The following ADGRL2 variants were observed in gnomAD, a reference collection of about 807,000 sequenced individuals.
The protein encoded by ADGRL2 is calcium-independent alpha-latrotoxin receptor 2.
In ADGRL2, 44 loss-of-function variants were observed where a neutral mutation model predicts 157.4. That is an observed-to-expected ratio of 0.28 (90% CI 0.22 to 0.36). The LOEUF (loss-of-function observed/expected upper bound fraction) is 0.36, where lower values mean the gene tolerates loss of function less well. ADGRL2 is among the 10% of genes least tolerant of loss of function. The pLI, the probability that ADGRL2 is intolerant of heterozygous loss-of-function variation, is 1.00. For synonymous variants in ADGRL2, 585 were observed against 624.7 expected, an observed-to-expected ratio of 0.94 and a Z score of 0.95; for missense variants, 1,510 against 1,768.9, an observed-to-expected ratio of 0.85 and a Z score of 2.63.
intron 1 of ADGRL2, among the ~76,000 whole-genome samples, chr1:81,739,489 CA>C (rs2085004705): frequency 1.3e-5 from 2 of 152,152 alleles, no homozygotes; most frequent in Non-Finnish European, 2.9e-5. Context: ...TGGCCTGGAG[CA>C]GGCAGAGAGA....
intron 2 of ADGRL2, among the ~76,000 whole-genome samples, chr1:81,484,774 A>T (rs2078465068): frequency 6.6e-6 from 1 of 152,116 alleles, no homozygotes; most frequent in Admixed American, 6.6e-5. Context: ...CTTGTACTGT[A>T]CTAAGAAAAT....
chr1:81,759,754 C>T (rs1417205688), intron 1 of ADGRL2, among the ~76,000 whole-genome samples: 3 of 152,092 alleles, frequency 2.0e-5, no homozygotes, highest in African/African-American at 7.2e-5. Context: ...GTATAATATT[C>T]TACACTTTTC....
chr1:81,874,155 A>G (rs1475978679), intron 2 of ADGRL2, among the ~76,000 whole-genome samples: 8 of 152,128 alleles, frequency 5.3e-5, no homozygotes, highest in Non-Finnish European at 1.2e-4. Context: ...GTGGCATTGA[A>G]AACTTGCCAT....
chr1:81,593,565 A>G (rs2081174264), intron 3 of ADGRL2, among the ~76,000 whole-genome samples: 1 of 152,172 alleles, frequency 6.6e-6, no homozygotes, highest in Admixed American at 6.6e-5. Flanking sequence ...TCACTTATCT[A>G]CTATCTTATT....
At chr1:81,445,672 C>A (rs536322313) in intron 2 of ADGRL2, among the ~76,000 whole-genome samples, 1 of 152,082 alleles carries the variant, frequency 6.6e-6, no homozygotes, top group Non-Finnish European at 1.5e-5. Context: ...TATATTAAAG[C>A]GGACTTACAT....
chr1:81,768,559 A>C (rs983093726), intron 2 of ADGRL2, among the ~76,000 whole-genome samples: 3 of 150,934 alleles, frequency 2.0e-5, no homozygotes, highest in African/African-American at 7.3e-5. Context: ...CTTCAGCCTC[A>C]ATTTCCAGGG....
intron 2 of ADGRL2, among the ~76,000 whole-genome samples, chr1:81,867,863 C>G (rs998534100): frequency 6.6e-6 from 1 of 151,930 alleles, no homozygotes; most frequent in Non-Finnish European, 1.5e-5. Context: ...ATTATTATCT[C>G]TTTATATCGT....
intron 1 of ADGRL2, chr1:81,722,680 C>A (rs2084373010): frequency 6.8e-6 from 8 of 1,176,078 alleles, no homozygotes; most frequent in Non-Finnish European, 1.0e-5. Context: ...ACCTAGGGCA[C>A]AGGAAATTGC....
upstream of ADGRL2, among the ~76,000 whole-genome samples, chr1:81,799,618 G>T (rs1433946885): frequency 6.6e-6 from 1 of 152,142 alleles, no homozygotes; most frequent in African/African-American, 2.4e-5. Context: ...TGAACAATCT[G>T]CTGTTGACAT....
In ADGRL2 at chr1:81,990,872, C is replaced by T. The variant is rs374881882; in HGVS notation, c.4137C>T (p.Asp1379=). 26 of 1,614,008 alleles carry T rather than the reference C, an allele frequency of 1.6e-5. No homozygotes were observed. The East Asian group carries it at 5.6e-4, about 35-fold the overall frequency. The change falls in exon 24 of 24, where the codon GAC becomes GAT. Residue 1379 remains aspartate (D), a synonymous_variant. Coordinates refer to ENST00000686636, the MANE Select transcript of ADGRL2 (RefSeq NM_001366006.2). ...AEDHLQSPNR[D]SLYTSMPNLR... ...ATCACCTACAGTCCCCCAACAGAGA[C>T]TCTCTTTATACAAGCATGCCCAATC...
At chr1:81,817,845 A>T (rs2090567354) in intron 1 of ADGRL2, among the ~76,000 whole-genome samples, 2 of 152,036 alleles carry the variant, frequency 1.3e-5, no homozygotes, top group East Asian at 1.9e-4. Flanking sequence ...TGAGACGCAC[A>T]GCACTAGAGA....
At chr1:81,470,748 A>G (rs1356308226) in intron 2 of ADGRL2, among the ~76,000 whole-genome samples, 1 of 152,250 alleles carries the variant, frequency 6.6e-6, no homozygotes, top group African/African-American at 2.4e-5. Context: ...AACAAGTTCA[A>G]ATTAACGTGC....
At chr1:81,785,957 T>A (rs1404750475) in intron 2 of ADGRL2, among the ~76,000 whole-genome samples, 10 of 150,312 alleles carry the variant, frequency 6.7e-5, no homozygotes, top group Admixed American at 6.6e-4. Flanking sequence ...AAAAAAAAAA[T>A]TGGTGGGTGT....
Position 81,459,137 on chromosome 1 carries a change from G to A in ADGRL2, c.-248+14048G>A, listed in dbSNP as rs151219243. Among the ~76,000 whole-genome samples the A allele has an allele frequency of 3.4e-3, 519 of 152,176 alleles. 11 individuals are homozygous for A. The highest frequency in any genetic ancestry group is 0.029 in the Admixed American group (450 of 15,282). ...TGCTGATTGGTCTATGGGTGGTCTTGGAAAAAGCACCACTCAATTGGTTTA... is the reference window on the plus strand; with the variant it reads ...TGCTGATTGGTCTATGGGTGGTCTTAGAAAAAGCACCACTCAATTGGTTTA... On this transcript the variant is annotated intron_variant, in intron 2 of 24. Transcript: ENST00000370721.
At chr1:81,925,874 G>A (rs1235189181) in intron 3 of ADGRL2, among the ~76,000 whole-genome samples, 2 of 151,874 alleles carry the variant, frequency 1.3e-5, no homozygotes, top group African/African-American at 4.8e-5. Context: ...AAACATCTCA[G>A]GAGTCAGAAA....
chr1:81,712,755 A>ATTTTTTTTTTTTTTT (rs60265943), intron 1 of ADGRL2, among the ~76,000 whole-genome samples: 1 of 100,250 alleles, frequency 1.0e-5, no homozygotes. Context: ...TGGATCGCGG[A>ATTTTTTTTTTTTTTT]TTTTTTTTTT....
chr1:81,753,036 C>T (rs1440317502), intron 1 of ADGRL2, among the ~76,000 whole-genome samples: 1 of 152,134 alleles, frequency 6.6e-6, no homozygotes, highest in East Asian at 1.9e-4. Context: ...CAAGAACAGG[C>T]TATGCAGGCC....
chr1:81,532,844 C>T (rs1290262660), intron 2 of ADGRL2, among the ~76,000 whole-genome samples: 4 of 151,848 alleles, frequency 2.6e-5, no homozygotes, highest in African/African-American at 4.8e-5. Context: ...CACTTGAGCC[C>T]AGGAGATCAA....
intron 2 of ADGRL2, among the ~76,000 whole-genome samples, chr1:81,494,357 C>A (rs1291976328): frequency 6.6e-6 from 1 of 152,118 alleles, no homozygotes; most frequent in Non-Finnish European, 1.5e-5. Context: ...AGTCCCTTAT[C>A]CTTCTTCTGA....
Sources: gnomAD v4.1 joint callset for allele counts (sites outside exome capture counted in the v4.1 genomes callset) on GRCh38, gnomAD v4.1.1 for gene constraint, MANE v1.5 for transcripts, NCBI Gene and HGNC (gene_info 2026-07-23, HGNC 2026-07-21) for gene names.